SIPA1L2: variants seen among roughly 807,000 people sequenced by gnomAD.
SIPA1L2 encodes signal-induced proliferation-associated 1-like protein 2.
In SIPA1L2, 56 loss-of-function variants were observed where a neutral mutation model predicts 163.9. That is an observed-to-expected ratio of 0.34 (90% CI 0.28 to 0.43). SIPA1L2 has a LOEUF of 0.43. Among genes scored for constraint, SIPA1L2 ranks in the 20% least tolerant of loss-of-function variants. The pLI is 1.00. For missense variants in SIPA1L2, 1,974 were observed against 2,193.5 expected, an observed-to-expected ratio of 0.90 and a Z score of 2.00; for synonymous variants, 877 against 865.7, an observed-to-expected ratio of 1.01 and a Z score of -0.23.
chr1:232,624,237 C>A (rs1243150016), intron 1 of SIPA1L2, among the ~76,000 whole-genome samples: 2 of 152,184 alleles, frequency 1.3e-5, no homozygotes, highest in African/African-American at 2.4e-5. Flanking sequence ...ACCACTGTTT[C>A]TTGCATTAGG....
intron 2 of SIPA1L2, among the ~76,000 whole-genome samples, chr1:232,538,295 G>C (rs1441751822): frequency 1.3e-5 from 2 of 152,220 alleles, no homozygotes; most frequent in Middle Eastern, 3.4e-3. Flanking sequence ...AAGAGAAGAG[G>C]GGGTATGGGG....
rs1293234223 is a variant in SIPA1L2 at position 232,549,382 on chromosome 1, A to C, written c.-270+24792T>G. 3.3e-5 allele frequency among the ~76,000 whole-genome samples: 5 copies of C among 152,214 alleles called. No homozygotes were observed. In the East Asian group the frequency reaches 5.8e-4, roughly 18 times the overall value. On this transcript the variant is annotated intron_variant, in intron 2 of 22. Transcript: ENST00000674635. Reference sequence around the variant, plus strand: ...TCACTCTTCCCAGTGGTTTTCTCTAATTAATCCCAAAGAGGAGATCTGAAA... The same window carrying C: ...TCACTCTTCCCAGTGGTTTTCTCTACTTAATCCCAAAGAGGAGATCTGAAA...
intron 8 of SIPA1L2, among the ~76,000 whole-genome samples, chr1:232,466,762 G>C (rs903070693): frequency 6.6e-6 from 1 of 152,168 alleles, no homozygotes; most frequent in African/African-American, 2.4e-5. Context: ...CTGCACTCCA[G>C]CCTGGGCGAC....
chr1:232,505,843 T>G (rs10910547), intron 3 of SIPA1L2, among the ~76,000 whole-genome samples: 50,781 of 152,050 alleles, frequency 0.33, 9,341 homozygotes, highest in Non-Finnish European at 0.42. Flanking sequence ...AATGTGTATC[T>G]TAGAATAGTA....
At chr1:232,530,524 T>C (rs1656853323) in intron 2 of SIPA1L2, among the ~76,000 whole-genome samples, 1 of 152,092 alleles carries the variant, frequency 6.6e-6, no homozygotes, top group African/African-American at 2.4e-5. Context: ...CTAGAAAGGG[T>C]TCTTAAGTCT....
intron 2 of SIPA1L2, among the ~76,000 whole-genome samples, chr1:232,572,750 T>TATACATAC (rs1558277583): frequency 1.9e-4 from 21 of 112,498 alleles, no homozygotes; most frequent in African/African-American, 6.4e-4. Flanking sequence ...TATATATATA[T>TATACATAC]ATATATATAT....
chr1:232,435,282 T>G lies in SIPA1L2; in HGVS notation c.4032-2811A>C, dbSNP rs374726335. Among the ~76,000 whole-genome samples, 9 of 152,374 alleles carry G rather than the reference T, an allele frequency of 5.9e-5. No individual in the cohort carries two copies. In the South Asian group the frequency reaches 1.9e-3, roughly 32 times the overall value. ...TATTTTTCCATTTGTTTTATAACATTTTCTAAAAATTAGATTTCATTAGAA... is the reference window on the plus strand; with the variant it reads ...TATTTTTCCATTTGTTTTATAACATGTTCTAAAAATTAGATTTCATTAGAA... On this transcript the variant is annotated intron_variant, in intron 15 of 22. Coordinates refer to ENST00000674635, the MANE Select transcript of SIPA1L2 (RefSeq NM_020808.5).
Position 232,564,164 on chromosome 1 carries a change from G to C in SIPA1L2, c.-270+10010C>G, listed in dbSNP as rs868144861. ...TTTTTTTTTTCGTGTGTGTGTGTGT[G>C]TGTGTGTGTGTGTGTGTGTGTGTGT... On this transcript the variant is annotated intron_variant, in intron 2 of 22. Coordinates refer to ENST00000674635, the MANE Select transcript of SIPA1L2 (RefSeq NM_020808.5). Among the ~76,000 whole-genome samples the C allele has an allele frequency of 1.3e-3, 133 of 98,708 alleles. 14 individuals are homozygous for C. Among genetic ancestry groups the C allele is most frequent in the African/African-American group, 7.0e-3 (129 of 18,440 alleles). 64.8% of individuals were successfully genotyped at this position (98,708 alleles called of 152,430 possible). A position where few individuals can be genotyped will look rare whatever the true frequency, so the allele number is the denominator to read the frequency against.
rs60008360 is a variant in SIPA1L2, at chr1:232,501,050, A to ATTTTTTTTTTTTTT, written c.1484-7404_1484-7391dup. On this transcript the variant is annotated intron_variant, in intron 3 of 22. Coordinates refer to ENST00000674635, the MANE Select transcript of SIPA1L2 (RefSeq NM_020808.5). ...TGTTAGCACTTTTTAGCAATGAAGT[A>ATTTTTTTTTTTTTT]TTTTTTTTTTTTTTTTTTTTTTTGT... Among the ~76,000 whole-genome samples, 267 of 78,438 alleles carry ATTTTTTTTTTTTTT rather than the reference A, an allele frequency of 3.4e-3. 37 individuals carry two copies. Among genetic ancestry groups the ATTTTTTTTTTTTTT allele is most frequent in the Non-Finnish European group, 4.5e-3 (197 of 43,600 alleles). The allele number at this position is 78,438 out of a possible 152,430, so 51.5% of individuals were successfully genotyped here.
chr1:232,478,863 A>T (rs1486256803), intron 7 of SIPA1L2, among the ~76,000 whole-genome samples: 1 of 152,250 alleles, frequency 6.6e-6, no homozygotes, highest in Non-Finnish European at 1.5e-5. Context: ...AAGATTCTAA[A>T]CAAGATGTGA....
intron 15 of SIPA1L2, among the ~76,000 whole-genome samples, chr1:232,432,712 C>A (rs1194604059): frequency 2.6e-5 from 4 of 152,112 alleles, no homozygotes; most frequent in Non-Finnish European, 5.9e-5. Flanking sequence ...AAAAACATGG[C>A]CGGGGAAATC....
chr1:232,509,494 G>T (rs1019051012), intron 3 of SIPA1L2, among the ~76,000 whole-genome samples: 5 of 152,112 alleles, frequency 3.3e-5, no homozygotes, highest in African/African-American at 1.2e-4. Context: ...AGCAAAAAAG[G>T]GAAAGAAAAA....
In SIPA1L2 at chr1:232,425,898, C is replaced by T. The variant is rs1187652681; in HGVS notation, c.4411-90G>A. 3.5e-6 allele frequency: 4 copies of T among 1,132,314 alleles called. No individual in the cohort carries two copies. The African/African-American group carries it at 4.6e-5, about 13-fold the overall frequency. The allele number at this position is 1,132,314 out of a possible 1,614,324, so 70.1% of individuals were successfully genotyped here. A position where few individuals can be genotyped will look rare whatever the true frequency, so the allele number is the denominator to read the frequency against. ...GGACTAAGTCCAGTGGTTTCACATA[C>T]TATTGTGATAGCTTCTTTGAGTTTT... is the stretch of plus-strand genomic sequence containing the variant. On this transcript the variant is annotated intron_variant, in intron 17 of 22. Coordinates refer to ENST00000674635, the MANE Select transcript of SIPA1L2 (RefSeq NM_020808.5).
chr1:232,594,448 CG>C (rs1342880055), intron 1 of SIPA1L2, among the ~76,000 whole-genome samples: 1 of 151,858 alleles, frequency 6.6e-6, no homozygotes, highest in African/African-American at 2.4e-5. Context: ...GGAGCCAGGG[CG>C]GGGACTCCTG....
chr1:232,410,023 T>C (rs1021795842), intron 19 of SIPA1L2, among the ~76,000 whole-genome samples: 14 of 152,334 alleles, frequency 9.2e-5, no homozygotes, highest in Admixed American at 6.5e-4. Context: ...ATTTTCTATG[T>C]ATAAAACCCT....
intron 7 of SIPA1L2, among the ~76,000 whole-genome samples, chr1:232,474,181 C>T (rs1664925068): frequency 6.6e-6 from 1 of 152,184 alleles, no homozygotes; most frequent in Admixed American, 6.5e-5. Flanking sequence ...CTGGGGCGAA[C>T]TTCTTTCTAG....
chr1:232,578,283 T>G (rs771561155), intron 1 of SIPA1L2, among the ~76,000 whole-genome samples: 14 of 152,272 alleles, frequency 9.2e-5, no homozygotes, highest in Non-Finnish European at 1.9e-4. Flanking sequence ...TCTGTGTGAC[T>G]TGCTATACTG....
At chr1:232,495,566 A>G (rs1460001406) in intron 3 of SIPA1L2, among the ~76,000 whole-genome samples, 2 of 80,776 alleles carry the variant, frequency 2.5e-5, no homozygotes, top group Non-Finnish European at 5.5e-5. Flanking sequence ...CTCCGTCTCA[A>G]AAAAAAAAAA....
intron 3 of SIPA1L2, among the ~76,000 whole-genome samples, chr1:232,504,621 A>G (rs1666639116): frequency 1.3e-5 from 2 of 152,126 alleles, no homozygotes; most frequent in Admixed American, 1.3e-4. Flanking sequence ...TAAATTACCG[A>G]ATTTACCAGG....
Sources: gnomAD v4.1 joint callset for allele counts (sites outside exome capture counted in the v4.1 genomes callset) on GRCh38, gnomAD v4.1.1 for gene constraint, MANE v1.5 for transcripts, NCBI Gene and HGNC (gene_info 2026-07-23, HGNC 2026-07-21) for gene names.